Variants in NPEPPS observed in about 807,000 individuals in gnomAD.
NPEPPS encodes the protein puromycin-sensitive aminopeptidase.
A neutral mutation model predicts 115.5 loss-of-function variants in NPEPPS; 14 were observed. The observed-to-expected ratio is 0.12, with a 90% CI of 0.08 to 0.19. NPEPPS has a LOEUF of 0.19. Ranked by LOEUF, NPEPPS falls within the 10% of genes least tolerant of loss-of-function variation. The probability of loss-of-function intolerance (pLI) is 1.00; values close to 1 mark genes in which losing one functional copy is unlikely to be tolerated. For synonymous variants in NPEPPS, 285 were observed against 390.6 expected (o/e 0.73, Z 3.19); for missense variants, 523 against 1,110.8 (o/e 0.47, Z 7.52).
intron 1 of NPEPPS, among the ~76,000 whole-genome samples, chr17:47,542,375 C>T (rs1280002039): frequency 3.9e-5 from 6 of 151,938 alleles, no homozygotes; most frequent in Non-Finnish European, 5.9e-5. Context: ...GGAGAAACCC[C>T]GTCTCTACTA....
intron 16 of NPEPPS, among the ~76,000 whole-genome samples, chr17:47,604,810 A>G (rs1363999412): frequency 6.6e-6 from 1 of 152,226 alleles, no homozygotes; most frequent in Non-Finnish European, 1.5e-5. Flanking sequence ...TAACTCTGTT[A>G]GTTCTGAAAG....
At chr17:47,540,488 T>C (rs1253859623) in intron 1 of NPEPPS, among the ~76,000 whole-genome samples, 1 of 152,200 alleles carries the variant, frequency 6.6e-6, no homozygotes, top group Non-Finnish European at 1.5e-5. Context: ...AGCACTACTG[T>C]TTGGAAGAGC....
At position 47,546,073 on chromosome 17, in the gene NPEPPS, T is replaced by TGTGTGTGTGTGAGA. The variant is rs148357525; in HGVS notation, c.340+81_340+82insTGTGTGTGTGAGAG. ...GTGTGTGTGTGTGTGTGTGTGTGTG[T>TGTGTGTGTGTGAGA]GAGAGAGAGAGAGAGAGAGACATTT... On this transcript the variant is annotated intron_variant, in intron 2 of 22. Transcript: ENST00000322157. 83 of 1,265,656 alleles carry TGTGTGTGTGTGAGA rather than the reference T, an allele frequency of 6.6e-5. No individual in the cohort carries two copies. In the South Asian group the frequency reaches 1.3e-3, roughly 19 times the overall value. 78.4% of individuals were successfully genotyped at this position (1,265,656 alleles called of 1,614,324 possible).
intron 11 of NPEPPS, among the ~76,000 whole-genome samples, chr17:47,592,267 G>A (rs1912555228): frequency 6.6e-6 from 1 of 152,046 alleles, no homozygotes; most frequent in African/African-American, 2.4e-5. Flanking sequence ...GTGTTTGGGA[G>A]TGGAAATGGG....
At chr17:47,543,044 G>A (rs1204540972) in intron 1 of NPEPPS, among the ~76,000 whole-genome samples, 1 of 151,822 alleles carries the variant, frequency 6.6e-6, no homozygotes, top group African/African-American at 2.4e-5. Flanking sequence ...GGCTGAGGCA[G>A]GAGAATCGCT....
At chr17:47,584,310 G>A (rs111609175) in intron 5 of NPEPPS, among the ~76,000 whole-genome samples, 37 of 152,028 alleles carry the variant, frequency 2.4e-4, no homozygotes, top group African/African-American at 7.7e-4. Flanking sequence ...ATGTAGCTGC[G>A]TAATGAAGTA....
intron 2 of NPEPPS, among the ~76,000 whole-genome samples, chr17:47,555,473 G>C (rs1473694772): frequency 6.6e-6 from 1 of 150,930 alleles, no homozygotes; most frequent in Non-Finnish European, 1.5e-5. Flanking sequence ...TCAGCCTCCT[G>C]AGTAGCTGGG....
At chr17:47,532,868 T>C (rs907586286) in intron 1 of NPEPPS, among the ~76,000 whole-genome samples, 1 of 152,150 alleles carries the variant, frequency 6.6e-6, no homozygotes, top group Non-Finnish European at 1.5e-5. Flanking sequence ...TTTATGATAC[T>C]ATGTAATAGG....
intron 21 of NPEPPS, chr17:47,619,370 A>G (rs1208943422): frequency 1.7e-6 from 1 of 583,590 alleles, no homozygotes; most frequent in East Asian, 3.1e-5. Context: ...CCTGGCCAAC[A>G]TGGTGAAATC....
intron 2 of NPEPPS, among the ~76,000 whole-genome samples, chr17:47,567,564 C>T (rs967726085): frequency 7.2e-5 from 11 of 151,930 alleles, no homozygotes; most frequent in Non-Finnish European, 4.4e-5. Context: ...ATTCACATAC[C>T]ATACATGTCA....
At chr17:47,619,301 A>G in intron 21 of NPEPPS, 137 bp downstream of exon 21, 1 of 867,540 alleles carries the variant, frequency 1.2e-6, no homozygotes, top group Non-Finnish European at 1.8e-6. Context: ...CGCCTGTAAT[A>G]CCAGCACTTT....
intron 3 of NPEPPS, among the ~76,000 whole-genome samples, chr17:47,573,154 A>G (rs1911303836): frequency 6.6e-6 from 1 of 152,196 alleles, no homozygotes; most frequent in Admixed American, 6.5e-5. Flanking sequence ...AAGGTACACC[A>G]TTGAGAGAGA....
intron 5 of NPEPPS, among the ~76,000 whole-genome samples, chr17:47,584,972 C>T (rs1419058281): frequency 4.6e-5 from 7 of 152,072 alleles, no homozygotes; most frequent in South Asian, 4.1e-4. Flanking sequence ...GGATTACAGG[C>T]ACCCCCCACC....
rs552225216 is a variant in NPEPPS, at chr17:47,569,194, G to T, written c.341-223G>T. Among the ~76,000 whole-genome samples the T allele has an allele frequency of 1.6e-3, 249 of 152,142 alleles. 1 individual carries two copies. Among genetic ancestry groups the T allele is most frequent in the African/African-American group, 5.7e-3 (237 of 41,502 alleles). On this transcript the variant is annotated intron_variant, in intron 2 of 22. Transcript: ENST00000322157. ...TTCCTGTACATCACTGACGTTTTGT[G>T]AATTTTAAAGAATTTGTAATTATTT...
rs1043455723 is a variant in NPEPPS, at chr17:47,596,874, C to T, written c.1536+412C>T. Among the ~76,000 whole-genome samples the T allele has an allele frequency of 2.0e-5, 3 of 152,228 alleles. No homozygotes were observed. The East Asian group carries it at 5.8e-4, about 29-fold the overall frequency. On this transcript the variant is annotated intron_variant, in intron 13 of 22. Transcript: ENST00000322157. ...GCCAGCCCGGCCAATGTAGTAAAACCCTGTCTCTACTAAAAATACAGAAAT... is the reference window on the plus strand; with the variant it reads ...GCCAGCCCGGCCAATGTAGTAAAACTCTGTCTCTACTAAAAATACAGAAAT...
Position 47,571,443 on chromosome 17 carries a change from G to A in NPEPPS, c.418+1949G>A, listed in dbSNP as rs866798725. 4.6e-5 allele frequency among the ~76,000 whole-genome samples: 7 copies of A among 152,208 alleles called. No individual in the cohort carries two copies. The South Asian group carries it at 1.0e-3, about 22-fold the overall frequency. On this transcript the variant is annotated intron_variant, in intron 3 of 22. Coordinates refer to ENST00000322157, the MANE Select transcript of NPEPPS (RefSeq NM_006310.4). The stretch of plus-strand genomic sequence containing the variant: ...ATTATTATAAAAATAAATGGGCTGG[G>A]CGTGGTGGCTCACGCCTGTAATCCC...
At chr17:47,581,885 G>C (rs575158496) in intron 4 of NPEPPS, 1 of 152,102 alleles carries the variant, frequency 6.6e-6, no homozygotes, top group South Asian at 2.1e-4. Context: ...TAGTAGAGAC[G>C]GGGTTTCACC....
chr17:47,618,955 G>C (rs923643146), intron 20 of NPEPPS, 54 bp from the exon 21 acceptor site: 1 of 1,547,004 alleles, frequency 6.5e-7, no homozygotes, highest in Non-Finnish European at 8.8e-7. Context: ...GCACTTTCTG[G>C]TACCAGAATA....
At chr17:47,533,074 T>A (rs954699278) in intron 1 of NPEPPS, among the ~76,000 whole-genome samples, 9 of 152,146 alleles carry the variant, frequency 5.9e-5, no homozygotes, top group African/African-American at 2.2e-4. Context: ...ATGTTGGTAG[T>A]TGTCTTTGAA....
Sources: allele counts gnomAD v4.1 joint callset (sites outside exome capture counted in the v4.1 genomes callset), GRCh38; gene constraint gnomAD v4.1.1; transcripts MANE v1.5; gene names NCBI Gene and HGNC (gene_info 2026-07-23, HGNC 2026-07-21).